Variants in DNAH9 observed in about 807,000 individuals in gnomAD.
The protein encoded by DNAH9 is DNAH9 variant protein.
A neutral mutation model predicts 471.6 loss-of-function variants in DNAH9; 345 were observed. The observed-to-expected ratio is 0.73, with a 90% CI of 0.67 to 0.80. DNAH9 has a LOEUF of 0.80. Ranked by LOEUF, DNAH9 falls within the 30% of genes least tolerant of loss-of-function variation. The pLI is 0.00. For synonymous variants in DNAH9, 2,093 were observed against 2,123.6 expected (o/e 0.99, Z 0.40); for missense variants, 5,407 against 5,609.2 (o/e 0.96, Z 1.15).
chr17:11,863,918 CTTTA>C (rs1971948808), intron 50 of DNAH9, among the ~76,000 whole-genome samples: 1 of 151,780 alleles, frequency 6.6e-6, no homozygotes, highest in Non-Finnish European at 1.5e-5. Flanking sequence ...CTCCTTTTTT[CTTTA>C]TTAGTCTTGC....
chr17:11,809,029 G>A lies in DNAH9; in HGVS notation c.8583+1135G>A, dbSNP rs979729167. The stretch of plus-strand genomic sequence containing the variant: ...GTTGTTAGAAATAGCTGTGAGTAAT[G>A]TGAGAGAGAGAGAAAGGCAACATCA... On this transcript the variant is annotated intron_variant, in intron 44 of 68. Transcript: ENST00000262442. Among the ~76,000 whole-genome samples, 8 of 152,164 alleles carry A rather than the reference G, an allele frequency of 5.3e-5. No individual in the cohort carries two copies. In the East Asian group the frequency reaches 1.2e-3, roughly 22 times the overall value.
chr17:11,872,317 C>G (rs576580560), intron 52 of DNAH9, among the ~76,000 whole-genome samples: 10 of 151,880 alleles, frequency 6.6e-5, no homozygotes, highest in African/African-American at 1.9e-4. Flanking sequence ...GCTTGTCCTC[C>G]TCGTGTGGCT....
intron 41 of DNAH9, among the ~76,000 whole-genome samples, chr17:11,789,141 T>C (rs966463108): frequency 6.6e-6 from 1 of 152,072 alleles, no homozygotes; most frequent in African/African-American, 2.4e-5. Context: ...TAATTTTTAA[T>C]ATAATTTTTG....
intron 17 of DNAH9, among the ~76,000 whole-genome samples, chr17:11,674,008 A>G (rs1002906701): frequency 1.3e-5 from 2 of 152,168 alleles, no homozygotes; most frequent in African/African-American, 4.8e-5. Context: ...TTCACTCAGC[A>G]TTATGTTTGA....
At chr17:11,698,888 C>T (rs2074540286) in intron 22 of DNAH9, among the ~76,000 whole-genome samples, 1 of 152,086 alleles carries the variant, frequency 6.6e-6, no homozygotes, top group Admixed American at 6.5e-5. Flanking sequence ...TTTATGCTTG[C>T]CATGAGCATG....
At chr17:11,804,886 A>AAG (rs1449048139) in intron 43 of DNAH9, among the ~76,000 whole-genome samples, 1 of 151,668 alleles carries the variant, frequency 6.6e-6, no homozygotes, top group African/African-American at 2.4e-5. Context: ...AAAAAAAAAA[A>AAG]AAAGTTCTTT....
chr17:11,823,062 G>T (rs909041693), intron 48 of DNAH9, 28 bp downstream of exon 48: 3 of 1,579,742 alleles, frequency 1.9e-6, no homozygotes, highest in East Asian at 2.3e-5. Flanking sequence ...CCTTCCACCT[G>T]CAGGGGACTT....
chr17:11,940,348 C>A (rs1439555055), intron 66 of DNAH9, among the ~76,000 whole-genome samples: 1 of 152,214 alleles, frequency 6.6e-6, no homozygotes, highest in Non-Finnish European at 1.5e-5. Context: ...AACTCTGTGT[C>A]CCCACGTCCT....
intron 45 of DNAH9, among the ~76,000 whole-genome samples, chr17:11,817,222 T>G (rs894755977): frequency 6.6e-6 from 1 of 152,164 alleles, no homozygotes. Context: ...GTGACGAGAA[T>G]ATTGTCAAGA....
intron 26 of DNAH9, among the ~76,000 whole-genome samples, chr17:11,708,006 C>CAG (rs1567736983): frequency 6.2e-5 from 3 of 48,284 alleles, no homozygotes; most frequent in East Asian, 1.4e-3. Flanking sequence ...CACACACACA[C>CAG]ACACACACAG....
Position 11,926,035 on chromosome 17 carries a change from G to GAAAAAAAAAAAAAAAAAAAAAAAA in DNAH9, c.11877+2098_11877+2121dup, listed in dbSNP as rs71142253. 3.3e-4 allele frequency among the ~76,000 whole-genome samples: 20 copies of GAAAAAAAAAAAAAAAAAAAAAAAA among 59,914 alleles called. 2 individuals are homozygous for GAAAAAAAAAAAAAAAAAAAAAAAA. Among genetic ancestry groups the GAAAAAAAAAAAAAAAAAAAAAAAA allele is most frequent in the African/African-American group, 1.3e-3 (16 of 12,680 alleles). The allele number at this position is 59,914 out of a possible 152,430, so 39.3% of individuals were successfully genotyped here. Reference sequence around the variant, plus strand: ...AGCCTGTAAACCTGAGAGATTCTCTGAAAAAAAAAAAAAAAAAAAAAAAAA... The same window carrying GAAAAAAAAAAAAAAAAAAAAAAAA: ...AGCCTGTAAACCTGAGAGATTCTCTGAAAAAAAAAAAAAAAAAAAAAAAAAAAAAAAAAAAAAAAAAAAAAAAAA... On this transcript the variant is annotated intron_variant, in intron 62 of 68. Coordinates refer to ENST00000262442, the MANE Select transcript of DNAH9 (RefSeq NM_001372.4).
Position 11,752,734 on chromosome 17 carries a change from G to T in DNAH9, c.6611-99G>T. On this transcript the variant is annotated intron_variant, in intron 32 of 68. Transcript: ENST00000262442. ...ATCTGCCTTTGCATGTTCCATGTAC[G>T]CCCCCTTCTGTGTGTTGTAGCTAAA... The T allele has an allele frequency of 4.5e-6, 4 of 889,714 alleles. No individual in the cohort carries two copies. The South Asian group carries it at 6.9e-5, about 15-fold the overall frequency. The allele number at this position is 889,714 out of a possible 1,614,324, so 55.1% of individuals were successfully genotyped here.
intron 49 of DNAH9, among the ~76,000 whole-genome samples, chr17:11,848,906 G>A (rs531027929): frequency 2.6e-4 from 39 of 151,630 alleles, no homozygotes; most frequent in Middle Eastern, 6.8e-3. Flanking sequence ...GCATGATCTC[G>A]GCTCACTGCA....
Position 11,892,087 on chromosome 17 carries a change from A to T in DNAH9, c.11283+140A>T. 1.0e-6 allele frequency: 1 copy of T among 1,004,152 alleles called. No individual in the cohort carries two copies. The highest frequency in any genetic ancestry group is 2.3e-5 in the Admixed American group (1 of 43,334). The allele number at this position is 1,004,152 out of a possible 1,614,324, so 62.2% of individuals were successfully genotyped here. ...TGTCTTTGGATAGAGGCATCAGACA[A>T]GAAGGTCCAATGTGGTGTGTGCATC... On this transcript the variant is annotated intron_variant, in intron 58 of 68. Coordinates refer to ENST00000262442, the MANE Select transcript of DNAH9 (RefSeq NM_001372.4). This position sits in a 1 kb window ranked among gnomAD's most constrained non-coding sequence, Gnocchi z 4.3.
At chr17:11,624,673 C>T (rs182043887) in intron 6 of DNAH9, among the ~76,000 whole-genome samples, 69 of 152,266 alleles carry the variant, frequency 4.5e-4, no homozygotes, top group African/African-American at 1.6e-3. Flanking sequence ...ACTGTCTTTG[C>T]ACCAAACTTT....
chr17:11,689,219 G>C (rs2074291123), intron 19 of DNAH9, among the ~76,000 whole-genome samples: 1 of 152,108 alleles, frequency 6.6e-6, no homozygotes, highest in Non-Finnish European at 1.5e-5. Context: ...ATGGTCTTCA[G>C]AACCAACAGC....
rs552654766 is a variant in DNAH9 at position 11,701,329 on chromosome 17, G to A, written c.5151+82G>A. On this transcript the variant is annotated intron_variant, in intron 24 of 68. Transcript: ENST00000262442. ...CTCCCCCAGCCTTCAGCAGCTGGTA[G>A]ATATCAGGCTGGCTGCATGCTTCAC... 1.2e-4 allele frequency: 180 copies of A among 1,494,098 alleles called. 2 individuals are homozygous for A. In the South Asian group the frequency reaches 2.1e-3, roughly 17 times the overall value. The allele number at this position is 1,494,098 out of a possible 1,614,324, so 92.6% of individuals were successfully genotyped here.
At position 11,669,693 on chromosome 17, in the gene DNAH9, G is replaced by A. The variant is rs201532586; in HGVS notation, c.3252G>A (p.Trp1084Ter). 10 of 1,614,018 alleles carry A rather than the reference G, an allele frequency of 6.2e-6. No homozygotes were observed. Among genetic ancestry groups the A allele is most frequent in the Non-Finnish European group, 3.4e-6 (4 of 1,180,026 alleles). Residue 1084 changes from tryptophan to a stop codon, truncating the protein, a stop_gained, in exon 17 of 69, where the codon TGG becomes TGA. Transcript: ENST00000262442. LOFTEE classifies it high-confidence loss of function. ...RLEPIKVFDG[W>*]MKIDIRPFKA... ...AACCCATCAAGGTGTTTGACGGCTG[G>A]ATGAAAATTGATATTCGACCCTTTA... is the stretch of plus-strand genomic sequence containing the variant.
intron 24 of DNAH9, among the ~76,000 whole-genome samples, chr17:11,702,203 G>C (rs1448799519): frequency 6.6e-6 from 1 of 152,222 alleles, no homozygotes; most frequent in Admixed American, 6.5e-5. Flanking sequence ...AGCGGAGGAG[G>C]AGCAAAGGCT....
Sources: gnomAD v4.1 joint callset for allele counts (sites outside exome capture counted in the v4.1 genomes callset) on GRCh38, gnomAD v4.1.1 for gene constraint, Gnocchi (gnomAD v3.1) non-coding constraint, MANE v1.5 for transcripts, NCBI Gene and HGNC (gene_info 2026-07-23, HGNC 2026-07-21) for gene names.